The following COL6A6 variants were observed in gnomAD, a reference collection of about 807,000 sequenced individuals.
The protein encoded by COL6A6 is collagen type VI alpha 6 chain.
COL6A6 carries 183 observed loss-of-function variants against 208.6 expected under a neutral mutation model. That is an observed-to-expected ratio of 0.88 (90% CI 0.78 to 0.99). COL6A6 has a LOEUF of 0.99. Ranked by LOEUF, COL6A6 falls within the 50% of genes least tolerant of loss-of-function variation. COL6A6 has a pLI of 0.00. For missense variants in COL6A6, 2,816 were observed against 2,815.2 expected (o/e 1.00, Z -0.01); for synonymous variants, 973 against 1,011.8 (o/e 0.96, Z 0.73).
At chr3:130,575,148 C>CA (rs953704346) in intron 8 of COL6A6, among the ~76,000 whole-genome samples, 6 of 148,200 alleles carry the variant, frequency 4.0e-5, no homozygotes, top group Non-Finnish European at 6.0e-5. Context: ...GATTTCCACT[C>CA]AAAAAAAAAA....
rs763994845 is a variant in COL6A6 at position 130,608,914 on chromosome 3, A to C, written c.4702A>C (p.Ile1568Leu). Residue 1568 changes from isoleucine (I) to leucine (L), a missense_variant, in exon 22 of 37, where the codon ATC (isoleucine) becomes CTC (leucine). Ile to Leu is a conservative substitution (Grantham distance 5, BLOSUM62 2). Coordinates refer to ENST00000358511, the MANE Select transcript of COL6A6 (RefSeq NM_001102608.3). ...GHTGPQGTAG[I>L]PGPDGLEGSL... ...TTTCTCGCCACAGGGAACAGCAGGC[A>C]TCCCAGGACCAGATGGACTTGAAGG... 16 of 1,613,422 alleles carry C rather than the reference A, an allele frequency of 9.9e-6. No individual in the cohort carries two copies. The African/African-American group carries it at 1.9e-4, about 19-fold the overall frequency.
intron 24 of COL6A6, among the ~76,000 whole-genome samples, chr3:130,623,743 G>C (rs2064805471): frequency 6.6e-6 from 1 of 152,144 alleles, no homozygotes; most frequent in South Asian, 2.1e-4. Context: ...AGAGGAAAGG[G>C]TTTAGGTCTG....
At chr3:130,585,241 T>A (rs1386080986) in intron 10 of COL6A6, among the ~76,000 whole-genome samples, 1 of 152,204 alleles carries the variant, frequency 6.6e-6, no homozygotes, top group Non-Finnish European at 1.5e-5. Flanking sequence ...TATTCCAAGA[T>A]TATATCTTTA....
At chr3:130,616,552 G>GAA (rs35307177) in intron 23 of COL6A6, among the ~76,000 whole-genome samples, 2,624 of 120,294 alleles carry the variant, frequency 0.022, 71 homozygotes, top group Admixed American at 0.047. Context: ...ATCAATGCCT[G>GAA]AAAAAAAAAA....
chr3:130,666,629 TAATA>T (rs1406962729), intron 36 of COL6A6, among the ~76,000 whole-genome samples: 2 of 152,176 alleles, frequency 1.3e-5, no homozygotes, highest in Admixed American at 1.3e-4. Flanking sequence ...GAGTAAACAG[TAATA>T]AATGTGTCTG....
At chr3:130,593,141 C>T (rs1330169549) in intron 16 of COL6A6, 36 bp downstream of exon 16, 6 of 1,611,568 alleles carry the variant, frequency 3.7e-6, no homozygotes, top group African/African-American at 1.3e-5. Context: ...CCCTTCTGAG[C>T]TATTTACCAT....
chr3:130,591,451 ATCCT>A (rs1192353569), intron 13 of COL6A6, among the ~76,000 whole-genome samples: 2 of 152,188 alleles, frequency 1.3e-5, no homozygotes, highest in Non-Finnish European at 2.9e-5. Context: ...GCATTCATTC[ATCCT>A]TCCTTCCTCC....
At chr3:130,646,569 G>A (rs1223481918) in intron 32 of COL6A6, among the ~76,000 whole-genome samples, 4 of 152,132 alleles carry the variant, frequency 2.6e-5, no homozygotes, top group African/African-American at 9.7e-5. Context: ...GTGAGACTCC[G>A]TCTCAAACAA....
chr3:130,517,801 T>TA (rs1295504301), intron 1 of COL6A6, among the ~76,000 whole-genome samples: 1 of 152,238 alleles, frequency 6.6e-6, no homozygotes, highest in African/African-American at 2.4e-5. Context: ...TGAATGGAGT[T>TA]AATCAGGGTG....
At position 130,608,920 on chromosome 3, in the gene COL6A6, G is replaced by A. The variant is rs780944681; in HGVS notation, c.4708G>A (p.Gly1570Arg). Residue 1570 changes from glycine to arginine, a missense_variant, in exon 22 of 37, where the codon GGA becomes AGA. By Grantham distance (125) the Gly-to-Arg change is moderately radical. Transcript: ENST00000358511. ...TGPQGTAGIP[G>R]PDGLEGSLGL... is the part of the protein sequence containing the mutation. ...GCCACAGGGAACAGCAGGCATCCCA[G>A]GACCAGATGGACTTGAAGGCTCCCT... 6.2e-7 allele frequency: 1 copy of A among 1,613,352 alleles called. No individual in the cohort carries two copies. The highest frequency in any genetic ancestry group is 1.7e-5 in the Admixed American group (1 of 59,908).
At chr3:130,636,270 G>A (rs2065108194) in intron 28 of COL6A6, among the ~76,000 whole-genome samples, 1 of 152,210 alleles carries the variant, frequency 6.6e-6, no homozygotes, top group Admixed American at 6.5e-5. Flanking sequence ...TCTTTATTCT[G>A]TAGAGGTTCT....
chr3:130,577,820 A>G (rs1343976454), intron 8 of COL6A6, among the ~76,000 whole-genome samples: 2 of 152,234 alleles, frequency 1.3e-5, no homozygotes, highest in Non-Finnish European at 2.9e-5. Flanking sequence ...ATTGAGAGTT[A>G]GCTAATATCA....
At chr3:130,590,734 A>AT (rs2063689964) in intron 12 of COL6A6, among the ~76,000 whole-genome samples, 1 of 151,588 alleles carries the variant, frequency 6.6e-6, no homozygotes, top group African/African-American at 2.4e-5. Flanking sequence ...CACCCGGCTA[A>AT]TTTTTTATAT....
intron 1 of COL6A6, among the ~76,000 whole-genome samples, chr3:130,524,628 G>A (rs76425199): frequency 0.021 from 3,121 of 150,446 alleles, 57 homozygotes; most frequent in East Asian, 0.058. Context: ...ACTTCCAAAA[G>A]CATGAAGGAC....
intron 35 of COL6A6, among the ~76,000 whole-genome samples, chr3:130,663,491 GA>G (rs35586358): frequency 6.6e-6 from 1 of 151,680 alleles, no homozygotes; most frequent in Non-Finnish European, 1.5e-5. Context: ...AAGAGCTGAG[GA>G]AAAAAAGGAA....
At chr3:130,588,462 G>A (rs1012319345) in intron 11 of COL6A6, among the ~76,000 whole-genome samples, 2 of 152,168 alleles carry the variant, frequency 1.3e-5, no homozygotes, top group African/African-American at 2.4e-5. Flanking sequence ...TAAAATATAT[G>A]ATATAGATGT....
At chr3:130,555,450 G>A (rs1392375025) in intron 1 of COL6A6, among the ~76,000 whole-genome samples, 2 of 152,114 alleles carry the variant, frequency 1.3e-5, no homozygotes, top group African/African-American at 4.8e-5. Flanking sequence ...AGTCTCCCCA[G>A]TGTCCCAGTC....
chr3:130,645,111 T>C, intron 32 of COL6A6, 109 bp downstream of exon 32: 1 of 1,056,738 alleles, frequency 9.5e-7, no homozygotes, highest in Non-Finnish European at 1.5e-6. Flanking sequence ...AAATTTTATC[T>C]GGGCTTTCTT....
intron 8 of COL6A6, among the ~76,000 whole-genome samples, chr3:130,578,961 G>A (rs1382297877): frequency 6.6e-6 from 1 of 152,174 alleles, no homozygotes; most frequent in African/African-American, 2.4e-5. Flanking sequence ...GGGAAAGGGA[G>A]GAAGCAAATC....
Sources: allele counts gnomAD v4.1 joint callset (sites outside exome capture counted in the v4.1 genomes callset), GRCh38; gene constraint gnomAD v4.1.1; transcripts MANE v1.5; gene names NCBI Gene and HGNC (gene_info 2026-07-23, HGNC 2026-07-21).